Variants in KCNT2 observed in about 807,000 individuals in gnomAD.
KCNT2 encodes potassium sodium-activated channel subfamily T member 2.
In KCNT2, 67 loss-of-function variants were observed where a neutral mutation model predicts 153.8. That is an observed-to-expected ratio of 0.44 (90% CI 0.36 to 0.53). The LOEUF is 0.53. KCNT2 is among the 20% of genes least tolerant of loss of function. The probability of loss-of-function intolerance (pLI) is 0.00; values close to 1 mark genes in which losing one functional copy is unlikely to be tolerated. For missense variants in KCNT2, 975 were observed against 1,354.8 expected (o/e 0.72, Z 4.40); for synonymous variants, 500 against 458.8 (o/e 1.09, Z -1.15).
intron 27 of KCNT2, among the ~76,000 whole-genome samples, chr1:196,235,304 G>C (rs2102233435): frequency 6.6e-6 from 1 of 151,248 alleles, no homozygotes; most frequent in East Asian, 1.9e-4. Flanking sequence ...TCAGAGTCTA[G>C]TTTAAGTCTT....
intron 25 of KCNT2, among the ~76,000 whole-genome samples, chr1:196,279,716 C>CTGTA (rs1658914492): frequency 6.6e-6 from 1 of 151,850 alleles, no homozygotes; most frequent in Non-Finnish European, 1.5e-5. Context: ...GTGTGAGCCA[C>CTGTA]TGTGCCAGGC....
At chr1:196,320,378 A>G (rs1663172221) in intron 19 of KCNT2, among the ~76,000 whole-genome samples, 1 of 151,888 alleles carries the variant, frequency 6.6e-6, no homozygotes, top group Non-Finnish European at 1.5e-5. Context: ...GTTAACTTGT[A>G]AGAAATAAAG....
intron 14 of KCNT2, among the ~76,000 whole-genome samples, chr1:196,364,852 C>T (rs1667906715): frequency 6.6e-6 from 1 of 152,058 alleles, no homozygotes; most frequent in South Asian, 2.1e-4. Flanking sequence ...AACATACTTT[C>T]CCAATAAGTT....
intron 1 of KCNT2, among the ~76,000 whole-genome samples, chr1:196,517,173 C>T (rs905353907): frequency 3.9e-5 from 6 of 152,214 alleles, no homozygotes; most frequent in East Asian, 1.9e-4. Context: ...AGTGGTCAGA[C>T]GGTATTCCAT....
chr1:196,257,963 G>T (rs538957766), intron 26 of KCNT2: 2 of 1,169,366 alleles, frequency 1.7e-6, no homozygotes, highest in African/African-American at 1.6e-5. Context: ...GATAATTCAT[G>T]TAATGGGTTT....
At chr1:196,275,471 T>C (rs1194935721) in intron 25 of KCNT2, among the ~76,000 whole-genome samples, 1 of 151,802 alleles carries the variant, frequency 6.6e-6, no homozygotes, top group East Asian at 1.9e-4. Flanking sequence ...TGAGATAGTA[T>C]TCCAGGCCTT....
At chr1:196,254,083 T>C (rs1294729624) in intron 26 of KCNT2, among the ~76,000 whole-genome samples, 1 of 151,498 alleles carries the variant, frequency 6.6e-6, no homozygotes, top group Non-Finnish European at 1.5e-5. Context: ...AGGAACAATT[T>C]ATTGCTCAAA....
intron 1 of KCNT2, among the ~76,000 whole-genome samples, chr1:196,515,633 A>T (rs1001505277): frequency 6.6e-6 from 1 of 152,224 alleles, no homozygotes; most frequent in Non-Finnish European, 1.5e-5. Flanking sequence ...AACAACGACA[A>T]CAATAAGAGT....
intron 13 of KCNT2, among the ~76,000 whole-genome samples, chr1:196,392,954 ATGT>A (rs113073629): frequency 1.1e-3 from 163 of 151,532 alleles, no homozygotes; most frequent in Middle Eastern, 6.8e-3. Context: ...TTCTGGTATA[ATGT>A]TGCATTCTTC....
intron 14 of KCNT2, among the ~76,000 whole-genome samples, chr1:196,344,126 T>C (rs114880402): frequency 2.0e-5 from 3 of 152,326 alleles, no homozygotes; most frequent in Admixed American, 1.3e-4. Context: ...AGTGATTCTT[T>C]ATCTCTTCAG....
chr1:196,241,200 T>C (rs546432074), intron 26 of KCNT2, among the ~76,000 whole-genome samples: 1 of 151,818 alleles, frequency 6.6e-6, no homozygotes, highest in South Asian at 2.1e-4. Flanking sequence ...TTTGTTTTTG[T>C]TTTTGTTTTT....
intron 14 of KCNT2, among the ~76,000 whole-genome samples, chr1:196,360,922 G>C (rs1553300291): frequency 6.6e-6 from 1 of 152,034 alleles, no homozygotes; most frequent in Non-Finnish European, 1.5e-5. Flanking sequence ...AGGTGGGAGA[G>C]TTTTAGAAGA....
chr1:196,586,487 T>A (rs1662695209), intron 1 of KCNT2, among the ~76,000 whole-genome samples: 1 of 152,066 alleles, frequency 6.6e-6, no homozygotes, highest in Admixed American at 6.6e-5. Context: ...AATCTAGACA[T>A]CTCCTGCTGC....
At position 196,423,058 on chromosome 1, in the gene KCNT2, T is replaced by C; in HGVS notation, c.1177A>G (p.Thr393Ala). The change falls in exon 12 of 28, where the codon ACA becomes GCA. Residue 393 changes from threonine (T) to alanine (A), a missense_variant. Coordinates refer to ENST00000294725, the MANE Select transcript of KCNT2 (RefSeq NM_198503.5). ...ILSSRCEVDR[T>A]SSDHQTILRA... ...AGATTTTAGAAACTTACAGATGATG[T>C]CCTATCCACTTCACAACGGCTACTG... is the stretch of plus-strand genomic sequence containing the variant. 1 of 1,594,046 alleles carries C rather than the reference T, an allele frequency of 6.3e-7. No individual in the cohort carries two copies. Among genetic ancestry groups the C allele is most frequent in the South Asian group, 1.1e-5 (1 of 88,818 alleles).
intron 12 of KCNT2, among the ~76,000 whole-genome samples, chr1:196,401,744 CA>C (rs1671433307): frequency 6.6e-6 from 1 of 151,422 alleles, no homozygotes; most frequent in Non-Finnish European, 1.5e-5. Context: ...AAAAAGAAAA[CA>C]AATGAGAAAA....
chr1:196,242,268 A>G (rs1340121523), intron 26 of KCNT2, among the ~76,000 whole-genome samples: 2 of 152,096 alleles, frequency 1.3e-5, no homozygotes, highest in African/African-American at 4.8e-5. Flanking sequence ...AAAAGGTTTT[A>G]TATGTGTTCA....
chr1:196,248,831 T>C (rs1655682466), intron 26 of KCNT2, among the ~76,000 whole-genome samples: 1 of 152,014 alleles, frequency 6.6e-6, no homozygotes, highest in Non-Finnish European at 1.5e-5. Flanking sequence ...AAAAACCAAA[T>C]AAAGATACAT....
Position 196,353,164 on chromosome 1 carries a change from C to T in KCNT2, c.1404-10936G>A, listed in dbSNP as rs1055841298. 3.0e-4 allele frequency among the ~76,000 whole-genome samples: 46 copies of T among 152,086 alleles called. 1 individual carries two copies. Among genetic ancestry groups the T allele is most frequent in the Admixed American group, 3.9e-4 (6 of 15,214 alleles). On this transcript the variant is annotated intron_variant, in intron 14 of 27. Transcript: ENST00000294725. Reference sequence around the variant, plus strand: ...TTGTCATCTCCCTGACTTGCCATCTCCTTCTCTTTTTCCCCTCATGGTCAA... The same window carrying T: ...TTGTCATCTCCCTGACTTGCCATCTTCTTCTCTTTTTCCCCTCATGGTCAA...
chr1:196,253,481 T>C (rs539980588), intron 26 of KCNT2, among the ~76,000 whole-genome samples: 2 of 151,734 alleles, frequency 1.3e-5, no homozygotes, highest in South Asian at 4.1e-4. Context: ...ATATTATAAC[T>C]ATTTTAAGAT....
Sources: gnomAD v4.1 joint callset for allele counts (sites outside exome capture counted in the v4.1 genomes callset) on GRCh38, gnomAD v4.1.1 for gene constraint, MANE v1.5 for transcripts, NCBI Gene and HGNC (gene_info 2026-07-23, HGNC 2026-07-21) for gene names.